KLHL1: variants seen among roughly 807,000 people sequenced by gnomAD.
The protein encoded by KLHL1 is kelch-like protein 1.
A neutral mutation model predicts 77.7 loss-of-function variants in KLHL1; 47 were observed. The observed-to-expected ratio is 0.60, with a 90% CI of 0.48 to 0.77. The LOEUF is 0.77. Among genes scored for constraint, KLHL1 ranks in the 30% least tolerant of loss-of-function variants. KLHL1 has a pLI of 0.00. For missense variants in KLHL1, 925 were observed against 910.8 expected (o/e 1.02, Z -0.20); for synonymous variants, 360 against 325.2 (o/e 1.11, Z -1.15).
intron 1 of KLHL1, among the ~76,000 whole-genome samples, chr13:70,000,406 A>C (rs1459083236): frequency 1.3e-5 from 2 of 151,958 alleles, no homozygotes; most frequent in Non-Finnish European, 2.9e-5. Flanking sequence ...AAATCCACAA[A>C]GTTTCTTCCC....
At chr13:70,097,472 T>A (rs555767234) in intron 1 of KLHL1, among the ~76,000 whole-genome samples, 1 of 152,052 alleles carries the variant, frequency 6.6e-6, no homozygotes, top group East Asian at 1.9e-4. Context: ...TGAATGAAGG[T>A]AAAACTTAAT....
At chr13:69,893,058 T>C (rs184523154) in intron 4 of KLHL1, among the ~76,000 whole-genome samples, 2 of 152,250 alleles carry the variant, frequency 1.3e-5, no homozygotes, top group African/African-American at 4.8e-5. Context: ...TTTTGAAGCT[T>C]TTCTGAACAG....
chr13:69,877,365 C>T lies in KLHL1; in HGVS notation c.1227+4918G>A, dbSNP rs371311178. ...ATAATTGTTATAAAATGTTAAAACA[C>T]GTTATTTATTTTATAGCAACATGGT... On this transcript the variant is annotated intron_variant, in intron 5 of 10. Coordinates refer to ENST00000377844, the MANE Select transcript of KLHL1 (RefSeq NM_020866.3). 1.2e-4 allele frequency among the ~76,000 whole-genome samples: 18 copies of T among 151,908 alleles called. No individual in the cohort carries two copies. In the East Asian group the frequency reaches 1.5e-3, roughly 13 times the overall value.
intron 1 of KLHL1, among the ~76,000 whole-genome samples, chr13:70,053,102 A>T (rs1265831791): frequency 6.6e-6 from 1 of 152,058 alleles, no homozygotes; most frequent in African/African-American, 2.4e-5. Context: ...AGGAAAAATG[A>T]AAAAGCGATG....
intron 6 of KLHL1, among the ~76,000 whole-genome samples, chr13:69,798,690 C>T (rs1877239875): frequency 6.6e-6 from 1 of 152,034 alleles, no homozygotes; most frequent in Admixed American, 6.6e-5. Flanking sequence ...AAGCAAACTA[C>T]ATAGTTGAAT....
intron 1 of KLHL1, among the ~76,000 whole-genome samples, chr13:69,987,145 G>C (rs749467855): frequency 6.6e-6 from 1 of 151,794 alleles, no homozygotes; most frequent in African/African-American, 2.4e-5. Flanking sequence ...AAACACATTT[G>C]CTCTACTCAA....
At position 69,996,721 on chromosome 13, in the gene KLHL1, A is replaced by G. The variant is rs942000559; in HGVS notation, c.498-20919T>C. On this transcript the variant is annotated intron_variant, in intron 1 of 10. Coordinates refer to ENST00000377844, the MANE Select transcript of KLHL1 (RefSeq NM_020866.3). ...AATGCATATACCAACACACTTTTCC[A>G]TATGTGATATTGCGATTATTAAATG... Among the ~76,000 whole-genome samples, 5 of 151,992 alleles carry G rather than the reference A, an allele frequency of 3.3e-5. No individual in the cohort carries two copies. The East Asian group carries it at 9.7e-4, about 29-fold the overall frequency.
rs535341538 is a variant in KLHL1 at position 70,038,414 on chromosome 13, T to C, written c.498-62612A>G. 1.7e-3 allele frequency among the ~76,000 whole-genome samples: 254 copies of C among 152,244 alleles called. 1 individual carries two copies. The highest frequency in any genetic ancestry group is 6.0e-3 in the African/African-American group (248 of 41,548). Reference sequence around the variant, plus strand: ...TGAGTATTCAGTTTTTACTGATAAATGTCCTGGAGGGCAATTGCTGGGTCA... The same window carrying C: ...TGAGTATTCAGTTTTTACTGATAAACGTCCTGGAGGGCAATTGCTGGGTCA... On this transcript the variant is annotated intron_variant, in intron 1 of 10. Transcript: ENST00000377844.
In KLHL1 at chr13:69,989,101, T is replaced by C. The variant is rs140222972; in HGVS notation, c.498-13299A>G. 1.7e-3 allele frequency among the ~76,000 whole-genome samples: 256 copies of C among 152,250 alleles called. 7 individuals are homozygous for C. The East Asian group carries it at 0.038, about 23-fold the overall frequency. On this transcript the variant is annotated intron_variant, in intron 1 of 10. Coordinates refer to ENST00000377844, the MANE Select transcript of KLHL1 (RefSeq NM_020866.3). ...GATTTTTATAGTTTTATGTTTTACA[T>C]TTAAGTCTATAATCTGTCTTGAAAT...
chr13:69,737,025 G>A (rs1264149295), intron 8 of KLHL1, among the ~76,000 whole-genome samples: 5 of 152,140 alleles, frequency 3.3e-5, no homozygotes, highest in Admixed American at 2.6e-4. Context: ...GGTGGTTGGC[G>A]CAACCCACGG....
At chr13:70,063,202 T>C (rs946695889) in intron 1 of KLHL1, among the ~76,000 whole-genome samples, 2 of 152,112 alleles carry the variant, frequency 1.3e-5, no homozygotes, top group Non-Finnish European at 2.9e-5. Context: ...CTATGCTAGG[T>C]GAGATGCATA....
At chr13:69,780,797 T>C (rs1046543155) in intron 7 of KLHL1, among the ~76,000 whole-genome samples, 5 of 146,556 alleles carry the variant, frequency 3.4e-5, no homozygotes, top group Non-Finnish European at 6.0e-5. Flanking sequence ...TTAAGAAATA[T>C]TACTTCAAGT....
intron 7 of KLHL1, among the ~76,000 whole-genome samples, chr13:69,749,289 T>G (rs2137944854): frequency 6.6e-6 from 1 of 152,118 alleles, no homozygotes; most frequent in African/African-American, 2.4e-5. Flanking sequence ...GTATCAATAT[T>G]AAAACTGCAT....
At chr13:69,955,114 T>G (rs2137260192) in intron 3 of KLHL1, among the ~76,000 whole-genome samples, 1 of 151,344 alleles carries the variant, frequency 6.6e-6, no homozygotes, top group Admixed American at 6.6e-5. Context: ...TGTACTAATG[T>G]GCTTGCATAA....
intron 1 of KLHL1, among the ~76,000 whole-genome samples, chr13:70,030,397 C>A (rs1278290385): frequency 6.6e-6 from 1 of 152,004 alleles, no homozygotes; most frequent in East Asian, 1.9e-4. Flanking sequence ...AACTGTCTCT[C>A]AGACCACAGT....
intron 1 of KLHL1, among the ~76,000 whole-genome samples, chr13:69,983,975 A>G (rs1027866174): frequency 4.6e-5 from 7 of 152,086 alleles, no homozygotes; most frequent in Non-Finnish European, 7.4e-5. Context: ...GTGAAACAAC[A>G]TCCCGATCTC....
chr13:70,037,593 C>G (rs1422592958), intron 1 of KLHL1, among the ~76,000 whole-genome samples: 1 of 151,780 alleles, frequency 6.6e-6, no homozygotes, highest in Non-Finnish European at 1.5e-5. Flanking sequence ...CTTTTTGTCT[C>G]TTCTTTAGTT....
intron 1 of KLHL1, among the ~76,000 whole-genome samples, chr13:70,019,554 C>A (rs900419351): frequency 1.3e-5 from 2 of 152,092 alleles, no homozygotes; most frequent in African/African-American, 4.8e-5. Context: ...CCATGCCAGA[C>A]GATCTGCTAA....
In KLHL1 at chr13:69,802,285, G is replaced by T. The variant is rs528717956; in HGVS notation, c.1415-5323C>A. Among the ~76,000 whole-genome samples the T allele has an allele frequency of 2.0e-5, 3 of 152,186 alleles. No homozygotes were observed. In the South Asian group the frequency reaches 6.2e-4, roughly 32 times the overall value. ...CTATCATTGGTAAGTATTTGGGTTG[G>T]TTCCAAGTCTTTGCTATTGTAAATG... On this transcript the variant is annotated intron_variant, in intron 6 of 10. Coordinates refer to ENST00000377844, the MANE Select transcript of KLHL1 (RefSeq NM_020866.3).
Sources: gnomAD v4.1 joint callset for allele counts (sites outside exome capture counted in the v4.1 genomes callset) on GRCh38, gnomAD v4.1.1 for gene constraint, MANE v1.5 for transcripts, NCBI Gene and HGNC (gene_info 2026-07-23, HGNC 2026-07-21) for gene names.